Variants in ADAMTS18 observed in about 807,000 individuals in gnomAD.
ADAMTS18 encodes the protein ADAM metallopeptidase with thrombospondin type 1 motif 18.
Under a neutral mutation model 165.9 loss-of-function variants are expected in ADAMTS18, and 157 were observed. The observed-to-expected ratio is 0.95, with a 90% CI of 0.83 to 1.08. ADAMTS18 has a LOEUF of 1.08. Ranked by LOEUF, ADAMTS18 falls within the 50% of genes least tolerant of loss-of-function variation. The pLI, the probability that ADAMTS18 is intolerant of heterozygous loss-of-function variation, is 0.00. For synonymous variants in ADAMTS18, 782 were observed against 578.2 expected (o/e 1.35, Z -5.06); for missense variants, 2,040 against 1,534.0 (o/e 1.33, Z -5.51).
rs776335434 is a variant in ADAMTS18 at position 77,353,757 on chromosome 16, C to G, written c.1590G>C (p.Lys530Asn). ...CCTTCACAAAACCAAGGCTGCATAA[C>G]TTGGCTTTTGCTCCAAATTGCCATT... ...QCKWQFGAKA[K>N]LCSLGFVKDI... The change falls in exon 10 of 23, where the codon AAG (lysine) becomes AAC (asparagine). Residue 530 changes from lysine to asparagine, a missense_variant. Lys to Asn is a moderately conservative substitution (Grantham distance 94). Coordinates refer to ENST00000282849, the MANE Select transcript of ADAMTS18 (RefSeq NM_199355.4). The G allele has an allele frequency of 1.9e-6, 3 of 1,614,170 alleles. No individual in the cohort carries two copies. Among genetic ancestry groups the G allele is most frequent in the Non-Finnish European group, 2.5e-6 (3 of 1,180,018 alleles).
At chr16:77,350,824 G>C (rs2056545039) in intron 10 of ADAMTS18, among the ~76,000 whole-genome samples, 1 of 152,096 alleles carries the variant, frequency 6.6e-6, no homozygotes, top group South Asian at 2.1e-4. Context: ...CCGATACACT[G>C]CATCTGCTGG....
rs114343810 is a variant in ADAMTS18, at chr16:77,338,199, T to A, written c.1711-2295A>T. Among the ~76,000 whole-genome samples the A allele has an allele frequency of 5.7e-3, 865 of 152,066 alleles. 13 individuals are homozygous for A. The highest frequency in any genetic ancestry group is 0.02 in the African/African-American group (831 of 41,494). ...GATTATAGGCGTGAGCCACCGCGCC[T>A]GGCTCCATCTTTTCATACATACATA... On this transcript the variant is annotated intron_variant, in intron 11 of 22. Coordinates refer to ENST00000282849, the MANE Select transcript of ADAMTS18 (RefSeq NM_199355.4).
intron 13 of ADAMTS18, among the ~76,000 whole-genome samples, chr16:77,324,517 T>C (rs895801234): frequency 9.2e-5 from 14 of 152,312 alleles, no homozygotes; most frequent in Middle Eastern, 3.4e-3. Context: ...AAGCTCAAGA[T>C]AGACAAAGGC....
chr16:77,419,912 T>G (rs527978799), intron 3 of ADAMTS18, among the ~76,000 whole-genome samples: 3 of 149,608 alleles, frequency 2.0e-5, no homozygotes, highest in African/African-American at 4.9e-5. Flanking sequence ...GGCAGGAGAA[T>G]TGCTTGAACC....
At chr16:77,361,780 A>C (rs2056717623) in intron 7 of ADAMTS18, among the ~76,000 whole-genome samples, 1 of 152,148 alleles carries the variant, frequency 6.6e-6, no homozygotes, top group Non-Finnish European at 1.5e-5. Context: ...GCTACTTGGG[A>C]GGCTGAGGCA....
At chr16:77,334,376 G>A (rs2056252083) in intron 12 of ADAMTS18, among the ~76,000 whole-genome samples, 1 of 103,960 alleles carries the variant, frequency 9.6e-6, no homozygotes, top group Admixed American at 1.3e-4. Flanking sequence ...ATTATATATA[G>A]TATATATATT....
intron 3 of ADAMTS18, among the ~76,000 whole-genome samples, chr16:77,400,884 T>A (rs1288440093): frequency 6.6e-6 from 1 of 152,140 alleles, no homozygotes; most frequent in African/African-American, 2.4e-5. Context: ...TCTCTCTGTC[T>A]GCTCACTTCT....
At chr16:77,387,350 T>C (rs563472862) in intron 3 of ADAMTS18, among the ~76,000 whole-genome samples, 9 of 152,302 alleles carry the variant, frequency 5.9e-5, no homozygotes, top group African/African-American at 2.2e-4. Flanking sequence ...TTTTTCAAAA[T>C]TTAAGATGGC....
At chr16:77,364,793 AAAGG>A (rs1394595030) in intron 4 of ADAMTS18, among the ~76,000 whole-genome samples, 44 of 144,556 alleles carry the variant, frequency 3.0e-4, no homozygotes, top group African/African-American at 1.1e-3. Context: ...AAAGCAAAGC[AAAGG>A]AAAGAAAAGA....
chr16:77,342,449 TA>T (rs1407822773), intron 10 of ADAMTS18, among the ~76,000 whole-genome samples: 1 of 120,290 alleles, frequency 8.3e-6, no homozygotes, highest in East Asian at 5.3e-4. Context: ...GAGTGCTGTT[TA>T]TAGTTTATTG....
intron 16 of ADAMTS18, 125 bp from the exon 17 acceptor site, chr16:77,300,529 T>C (rs1360708053): frequency 9.3e-7 from 1 of 1,081,022 alleles, no homozygotes; most frequent in Non-Finnish European, 1.4e-6. Context: ...TATACTTCAT[T>C]GTTCCCAAGT....
At chr16:77,370,508 G>C (rs1273545530) in intron 3 of ADAMTS18, among the ~76,000 whole-genome samples, 3 of 152,132 alleles carry the variant, frequency 2.0e-5, no homozygotes, top group Admixed American at 6.5e-5. Flanking sequence ...TCAGGACTTT[G>C]GGAGGCCGAG....
intron 10 of ADAMTS18, among the ~76,000 whole-genome samples, chr16:77,345,410 C>G (rs1043183036): frequency 1.3e-5 from 2 of 152,054 alleles, no homozygotes; most frequent in Non-Finnish European, 2.9e-5. Context: ...TCAAGAAAAC[C>G]CCCACCAGAT....
At chr16:77,369,595 C>G (rs947627534) in intron 3 of ADAMTS18, among the ~76,000 whole-genome samples, 4 of 152,168 alleles carry the variant, frequency 2.6e-5, no homozygotes, top group African/African-American at 9.7e-5. Flanking sequence ...GAGATTTAAT[C>G]TGTAATAAAA....
At chr16:77,343,671 C>T (rs1379855387) in intron 10 of ADAMTS18, among the ~76,000 whole-genome samples, 1 of 152,138 alleles carries the variant, frequency 6.6e-6, no homozygotes, top group Non-Finnish European at 1.5e-5. Flanking sequence ...CCTGGATTTG[C>T]CACTGATGGA....
chr16:77,288,002 A>C (rs1412326730), intron 22 of ADAMTS18, among the ~76,000 whole-genome samples: 1 of 152,176 alleles, frequency 6.6e-6, no homozygotes, highest in South Asian at 2.1e-4. Flanking sequence ...GGCTTTGAAC[A>C]AGATCGAGGA....
At chr16:77,387,938 G>A (rs933324574) in intron 3 of ADAMTS18, among the ~76,000 whole-genome samples, 4 of 152,118 alleles carry the variant, frequency 2.6e-5, no homozygotes, top group Non-Finnish European at 5.9e-5. Context: ...TCTCTATGGC[G>A]CTATCTCTCA....
chr16:77,355,655 C>T (rs1379450987), intron 9 of ADAMTS18, among the ~76,000 whole-genome samples: 2 of 152,106 alleles, frequency 1.3e-5, no homozygotes, highest in Non-Finnish European at 2.9e-5. Flanking sequence ...CCTTATGCAA[C>T]ACAATTAACC....
At chr16:77,374,633 G>C (rs1429297712) in intron 3 of ADAMTS18, among the ~76,000 whole-genome samples, 1 of 152,120 alleles carries the variant, frequency 6.6e-6, no homozygotes, top group African/African-American at 2.4e-5. Flanking sequence ...TAATATCAAA[G>C]GCTTAAGCCA....
Sources: allele counts gnomAD v4.1 joint callset (sites outside exome capture counted in the v4.1 genomes callset), GRCh38; gene constraint gnomAD v4.1.1; transcripts MANE v1.5; gene names NCBI Gene and HGNC (gene_info 2026-07-23, HGNC 2026-07-21).